FAIM2: variants seen among roughly 807,000 people sequenced by gnomAD.
FAIM2 encodes the protein Fas apoptotic inhibitory molecule 2, also known as protein lifeguard 2.
A neutral mutation model predicts 47.4 loss-of-function variants in FAIM2; 27 were observed. The observed-to-expected ratio is 0.57, with a 90% CI of 0.42 to 0.78. The LOEUF is 0.78. FAIM2 is among the 30% of genes least tolerant of loss of function. The pLI, the probability that FAIM2 is intolerant of heterozygous loss-of-function variation, is 0.00. For missense variants in FAIM2, 311 were observed against 389.4 expected (o/e 0.80, Z 1.69); for synonymous variants, 156 against 159.3 (o/e 0.98, Z 0.16).
At chr12:49,890,628 C>A in intron 7 of FAIM2, 55 bp downstream of exon 7, 1 of 1,553,202 alleles carries the variant, frequency 6.4e-7, no homozygotes, top group South Asian at 1.1e-5. Context: ...CCCTGCTTCC[C>A]TTCTTCCTCC....
intron 11 of FAIM2, among the ~76,000 whole-genome samples, chr12:49,886,101 C>G (rs545999863): frequency 2.0e-5 from 3 of 152,178 alleles, no homozygotes; most frequent in Non-Finnish European, 4.4e-5. Context: ...AACGTTCCAG[C>G]GAGGGAGGGG....
intron 11 of FAIM2, among the ~76,000 whole-genome samples, chr12:49,880,283 TATGA>T (rs572233292): frequency 1.9e-3 from 289 of 148,654 alleles, no homozygotes; most frequent in South Asian, 0.016. Context: ...TATGTATGCA[TATGA>T]GTGTATCTGT....
At chr12:49,895,367 G>C (rs535086428) in intron 5 of FAIM2, among the ~76,000 whole-genome samples, 9 of 151,436 alleles carry the variant, frequency 5.9e-5, no homozygotes, top group Admixed American at 1.3e-4. Flanking sequence ...TCCACCTCCC[G>C]GGCCTACTCA....
intron 1 of FAIM2, chr12:49,901,611 TA>T (rs1792781422): frequency 3.1e-6 from 1 of 318,812 alleles, no homozygotes; most frequent in African/African-American, 2.2e-5. Context: ...GTCCCTGGGG[TA>T]GGGGCAGGGT....
At chr12:49,900,299 T>C (rs1444133641) in intron 2 of FAIM2, 1 of 1,052,040 alleles carries the variant, frequency 9.5e-7, no homozygotes, top group Non-Finnish European at 1.2e-6. Flanking sequence ...AGATCTCTTC[T>C]AGAATCCTGC....
In FAIM2 at chr12:49,897,581, G is replaced by T. The variant is rs1565619980; in HGVS notation, c.318C>A (p.Val106=). 3 of 1,613,756 alleles carry T rather than the reference G, an allele frequency of 1.9e-6. No individual in the cohort carries two copies. The South Asian group carries it at 3.3e-5, about 18-fold the overall frequency. ...GCAGCTGAATCAGCAGGATGGTGTA[G>T]ACCTGGGGGTGGGAGGGGTTCTACT... ...QKVRRVFVRK[V]YTILLIQLLV... Residue 106 remains valine, a splice_region_variant and synonymous_variant, in exon 4 of 12, where the codon GTC becomes GTA. Coordinates refer to ENST00000320634, the MANE Select transcript of FAIM2 (RefSeq NM_012306.4).
At chr12:49,872,343 G>A (rs1946708663) in intron 11 of FAIM2, among the ~76,000 whole-genome samples, 1 of 152,196 alleles carries the variant, frequency 6.6e-6, no homozygotes, top group Non-Finnish European at 1.5e-5. Context: ...GGGAAGCCTG[G>A]GAGGCCTGAC....
chr12:49,873,983 T>C (rs910504085), intron 11 of FAIM2, among the ~76,000 whole-genome samples: 3 of 152,218 alleles, frequency 2.0e-5, no homozygotes, highest in African/African-American at 7.2e-5. Context: ...AGTGCATTGA[T>C]TTACAGGGGA....
In FAIM2 at chr12:49,898,089, G is replaced by A; in HGVS notation, c.213C>T (p.Ser71=). 1 of 1,612,438 alleles carries A rather than the reference G, an allele frequency of 6.2e-7. No individual in the cohort carries two copies. Among genetic ancestry groups the A allele is most frequent in the East Asian group, 2.2e-5 (1 of 44,878 alleles). Residue 71 remains serine (S), a splice_region_variant and synonymous_variant, in exon 3 of 12, where the codon AGC becomes AGT. Transcript: ENST00000320634. ...AACCGTTGTCATAGCTGGAGCTGCT[G>A]CCTGTGTGGCACGTGGAGGAGGAGG... ...LHPSWAYVDP[S]SSSSYDNGFP...
intron 11 of FAIM2, among the ~76,000 whole-genome samples, chr12:49,879,343 TGTGCATGTGA>T (rs1189805752): frequency 3.2e-4 from 49 of 151,104 alleles, no homozygotes; most frequent in South Asian, 1.1e-3. Context: ...TGTGTTTATG[TGTGCATGTGA>T]GTGCATGTGT....
At chr12:49,887,533 G>C (rs1042330784) in intron 10 of FAIM2, 94 bp from the exon 11 acceptor site, 1 of 1,099,304 alleles carries the variant, frequency 9.1e-7, no homozygotes, top group Non-Finnish European at 1.4e-6. Flanking sequence ...TGGAGGACAC[G>C]GGGTAGCCCT....
intron 2 of FAIM2, chr12:49,900,319 G>T: frequency 1.1e-6 from 1 of 877,822 alleles, no homozygotes; most frequent in Non-Finnish European, 1.5e-6. Flanking sequence ...CTGGAGGTGG[G>T]GTGATAAAGT....
intron 10 of FAIM2, among the ~76,000 whole-genome samples, chr12:49,887,942 T>C (rs755214652): frequency 6.6e-6 from 1 of 152,074 alleles, no homozygotes; most frequent in Non-Finnish European, 1.5e-5. Context: ...CAGCTGTGCA[T>C]GGTGGAGGAA....
chr12:49,896,945 A>C (rs297935), intron 5 of FAIM2, 86 bp downstream of exon 5: 19 of 1,112,554 alleles, frequency 1.7e-5, no homozygotes, highest in Non-Finnish European at 2.5e-5. Flanking sequence ...CTACGGGCTC[A>C]GATTAGGTCA....
intron 11 of FAIM2, among the ~76,000 whole-genome samples, chr12:49,882,758 C>G (rs1946835050): frequency 6.6e-6 from 1 of 152,294 alleles, no homozygotes; most frequent in East Asian, 1.9e-4. Flanking sequence ...CCTGCCACAC[C>G]TCTTGGGGAT....
intron 11 of FAIM2, among the ~76,000 whole-genome samples, chr12:49,880,020 CTGTG>C (rs1264406064): frequency 7.4e-6 from 1 of 135,342 alleles, no homozygotes; most frequent in Non-Finnish European, 1.6e-5. Context: ...GTGTATGTGT[CTGTG>C]TGCATGTGAG....
intron 11 of FAIM2, among the ~76,000 whole-genome samples, chr12:49,879,588 ATT>A (rs1464404360): frequency 2.2e-5 from 3 of 138,996 alleles, no homozygotes; most frequent in Non-Finnish European, 3.1e-5. Flanking sequence ...GTATATGTGT[ATT>A]TGTGTGCATG....
intron 7 of FAIM2, 64 bp downstream of exon 7, chr12:49,890,619 C>A: frequency 6.7e-7 from 1 of 1,503,148 alleles, no homozygotes. Flanking sequence ...CTCAATCCAC[C>A]CTGCTTCCCT....
In FAIM2 at chr12:49,901,302, AG is replaced by A. The variant is rs771091669; in HGVS notation, c.38del (p.Pro13LeufsTer35). On this transcript the variant is annotated frameshift_variant, in exon 2 of 12. Coordinates refer to ENST00000320634, the MANE Select transcript of FAIM2 (RefSeq NM_012306.4). LOFTEE classifies it high-confidence loss of function. ...GCACCTGCTGCTGCCCCTCGGTCCC[AG>A]GGGCCTTGTTAGCCACGGAGAGCTA... is the stretch of plus-strand genomic sequence containing the variant. Reference protein sequence around the residue: ...QGKLSVANKAPGTEGQQQVHG... With the variant: ...QGKLSVANKAXGTEGQQQVHG... The A allele has an allele frequency of 1.3e-6, 2 of 1,596,148 alleles. No homozygotes were observed. Among genetic ancestry groups the A allele is most frequent in the Non-Finnish European group, 8.5e-7 (1 of 1,173,342 alleles).
Sources: allele counts gnomAD v4.1 joint callset (sites outside exome capture counted in the v4.1 genomes callset), GRCh38; gene constraint gnomAD v4.1.1; transcripts MANE v1.5; gene names NCBI Gene and HGNC (gene_info 2026-07-23, HGNC 2026-07-21).